Variants in USP15 observed in about 807,000 individuals in gnomAD.
The protein encoded by USP15 is ubiquitin carboxyl-terminal hydrolase 15.
A neutral mutation model predicts 127.1 loss-of-function variants in USP15; 18 were observed. That is an observed-to-expected ratio of 0.14 (90% CI 0.10 to 0.21). The LOEUF (loss-of-function observed/expected upper bound fraction) is 0.21, where lower values mean the gene tolerates loss of function less well. Ranked by LOEUF, USP15 falls within the 10% of genes least tolerant of loss-of-function variation. The pLI is 1.00. For missense variants in USP15, 805 were observed against 1,159.9 expected, an observed-to-expected ratio of 0.69 and a Z score of 4.44; for synonymous variants, 364 against 393.7, an observed-to-expected ratio of 0.92 and a Z score of 0.89.
chr12:62,307,606 G>A (rs2064523873), intron 3 of USP15, among the ~76,000 whole-genome samples: 2 of 152,126 alleles, frequency 1.3e-5, no homozygotes, highest in Admixed American at 1.3e-4. Flanking sequence ...TTACCTGCAA[G>A]CAACCATGGT....
intron 2 of USP15, among the ~76,000 whole-genome samples, chr12:62,295,070 C>A (rs2064088338): frequency 6.6e-6 from 1 of 152,016 alleles, no homozygotes; most frequent in African/African-American, 2.4e-5. Context: ...CTAGGAAAAC[C>A]AAGGCTACAA....
intron 2 of USP15, chr12:62,294,544 C>G: frequency 3.4e-6 from 1 of 294,908 alleles, no homozygotes; most frequent in Non-Finnish European, 6.1e-6. Flanking sequence ...TGTTTAAACC[C>G]TTAAATGAAG....
At chr12:62,391,641 CT>C (rs549278029) in intron 16 of USP15, among the ~76,000 whole-genome samples, 174 bp from the exon 17 acceptor site, 1 of 151,932 alleles carries the variant, frequency 6.6e-6, no homozygotes, top group South Asian at 2.1e-4. Flanking sequence ...AGTTTTCTAT[CT>C]TTTTTTAAAC....
chr12:62,360,133 G>A (rs1266434362), intron 8 of USP15, among the ~76,000 whole-genome samples: 1 of 152,046 alleles, frequency 6.6e-6, no homozygotes, highest in Non-Finnish European at 1.5e-5. Flanking sequence ...TGAAGCAGGG[G>A]AGTAATGTGG....
At chr12:62,272,340 C>G (rs2063362060) in intron 1 of USP15, among the ~76,000 whole-genome samples, 1 of 151,860 alleles carries the variant, frequency 6.6e-6, no homozygotes, top group South Asian at 2.1e-4. Flanking sequence ...TATGCCTACT[C>G]TGTAAAGAGG....
chr12:62,388,532 T>C (rs897703221), intron 11 of USP15, among the ~76,000 whole-genome samples: 1 of 152,236 alleles, frequency 6.6e-6, no homozygotes, highest in African/African-American at 2.4e-5. Flanking sequence ...CAATTGATAT[T>C]GGGCACTGTG....
chr12:62,294,060 A>G (rs901417726), intron 1 of USP15, 119 bp from the exon 2 acceptor site: 11 of 1,084,878 alleles, frequency 1.0e-5, no homozygotes, highest in African/African-American at 6.4e-5. Context: ...ACAGTTTTCA[A>G]ATATCCTTTG....
intron 1 of USP15, among the ~76,000 whole-genome samples, chr12:62,283,840 G>A (rs2063720762): frequency 6.6e-6 from 1 of 152,170 alleles, no homozygotes; most frequent in African/African-American, 2.4e-5. Flanking sequence ...TACTCTGGAG[G>A]CTGAGGCACG....
At chr12:62,349,370 C>T in intron 7 of USP15, 63 bp downstream of exon 7, 1 of 1,075,320 alleles carries the variant, frequency 9.3e-7, no homozygotes, top group African/African-American at 1.7e-5. Context: ...TGCAAAAAAT[C>T]TCTTGTATCT....
intron 2 of USP15, chr12:62,294,549 A>G: frequency 3.5e-6 from 1 of 282,654 alleles, no homozygotes; most frequent in Non-Finnish European, 6.5e-6. Flanking sequence ...AAACCCTTAA[A>G]TGAAGAACTG....
At chr12:62,335,009 C>CG (rs2065416861) in intron 6 of USP15, among the ~76,000 whole-genome samples, 1 of 152,186 alleles carries the variant, frequency 6.6e-6, no homozygotes, top group South Asian at 2.1e-4. Flanking sequence ...CTTCATGAAA[C>CG]CACTTCAGCT....
chr12:62,392,399 A>C lies in USP15; in HGVS notation c.2420+12A>C. On this transcript the variant is annotated intron_variant, in intron 18 of 21. Transcript: ENST00000280377. ...GCTGAAGATCCCTGGTAAGAGACAA[A>C]ATTAAATAATTGTTTTTGTTTTCTT... is the stretch of plus-strand genomic sequence containing the variant. 2 of 1,542,816 alleles carry C rather than the reference A, an allele frequency of 1.3e-6. No homozygotes were observed. The highest frequency in any genetic ancestry group is 8.8e-7 in the Non-Finnish European group (1 of 1,138,540).
chr12:62,309,898 T>C (rs1448664873), intron 3 of USP15, among the ~76,000 whole-genome samples: 2 of 151,830 alleles, frequency 1.3e-5, no homozygotes, highest in Admixed American at 6.6e-5. Flanking sequence ...ATTGTACTTA[T>C]TGGTAAAATA....
rs765031221 is a variant in USP15, at chr12:62,393,118, C to T, written c.2486C>T (p.Pro829Leu). The T allele has an allele frequency of 1.9e-6, 3 of 1,613,842 alleles. No homozygotes were observed. Among genetic ancestry groups the T allele is most frequent in the Non-Finnish European group, 1.7e-6 (2 of 1,179,868 alleles). Residue 829 changes from proline (P) to leucine (L), a missense_variant, in exon 19 of 22, where the codon CCA becomes CTA. This residue lies in a region of USP15 where 24 missense variants were observed against 71.5 expected (regional missense o/e 0.34). Transcript: ENST00000280377. ...AAATTGGATTTATGGTCCCTGCCTC[C>T]AGTACTTGTAGTACATCTCAAGCGA... is the stretch of plus-strand genomic sequence containing the variant. ...TKKLDLWSLP[P>L]VLVVHLKRFS...
intron 6 of USP15, among the ~76,000 whole-genome samples, chr12:62,345,924 T>G (rs889309654): frequency 1.3e-5 from 2 of 152,146 alleles, no homozygotes; most frequent in African/African-American, 4.8e-5. Context: ...CCCCCGTGAT[T>G]CAATCATTTC....
At chr12:62,397,562 T>A (rs1447242285) in intron 20 of USP15, among the ~76,000 whole-genome samples, 2 of 151,992 alleles carry the variant, frequency 1.3e-5, no homozygotes, top group Non-Finnish European at 2.9e-5. Context: ...CTTTTTTTTT[T>A]AAATCAACCT....
chr12:62,275,440 G>T (rs796989518), intron 1 of USP15, among the ~76,000 whole-genome samples: 31 of 151,966 alleles, frequency 2.0e-4, no homozygotes, highest in African/African-American at 7.5e-4. Flanking sequence ...ATTTTTAGAG[G>T]GATTAATAGA....
chr12:62,281,376 G>A (rs1209989761), intron 1 of USP15, among the ~76,000 whole-genome samples: 2 of 151,790 alleles, frequency 1.3e-5, no homozygotes, highest in Admixed American at 6.6e-5. Flanking sequence ...TTGCTCTATT[G>A]CCCAGGCTGG....
At chr12:62,299,739 T>TAC (rs949638884) in intron 2 of USP15, among the ~76,000 whole-genome samples, 1 of 152,210 alleles carries the variant, frequency 6.6e-6, no homozygotes, top group Non-Finnish European at 1.5e-5. Context: ...TAGGAACTCT[T>TAC]AGACTGTTTT....
Sources: allele counts gnomAD v4.1 joint callset (sites outside exome capture counted in the v4.1 genomes callset), GRCh38; gene constraint gnomAD v4.1.1; regional missense constraint gnomAD v4.1.1; transcripts MANE v1.5; gene names NCBI Gene and HGNC (gene_info 2026-07-23, HGNC 2026-07-21).